The following POLQ variants were observed in gnomAD, a reference collection of about 807,000 sequenced individuals.
POLQ encodes the protein DNA polymerase theta.
In POLQ, 233 loss-of-function variants were observed where a neutral mutation model predicts 259.2. The observed-to-expected ratio is 0.90, with a 90% CI of 0.81 to 1.00. The LOEUF (loss-of-function observed/expected upper bound fraction) is 1.00, where lower values mean the gene tolerates loss of function less well. POLQ is among the 50% of genes least tolerant of loss of function. POLQ has a pLI of 0.00. For synonymous variants in POLQ, 1,025 were observed against 1,048.8 expected (o/e 0.98, Z 0.44); for missense variants, 2,871 against 3,051.6 (o/e 0.94, Z 1.39).
chr3:121,435,868 G>A (rs1031177073), intron 28 of POLQ, among the ~76,000 whole-genome samples: 4 of 152,174 alleles, frequency 2.6e-5, no homozygotes, highest in African/African-American at 7.2e-5. Flanking sequence ...TCAAAATATG[G>A]TGAGTTTGTA....
At chr3:121,440,302 G>T (rs569651549) in intron 26 of POLQ, among the ~76,000 whole-genome samples, 186 bp from the exon 27 acceptor site, 9 of 152,210 alleles carry the variant, frequency 5.9e-5, no homozygotes, top group Admixed American at 2.0e-4. Flanking sequence ...AAATAAAAGA[G>T]ACTTTAGAAA....
intron 15 of POLQ, among the ~76,000 whole-genome samples, chr3:121,491,515 G>A (rs1454820858): frequency 6.6e-6 from 1 of 152,084 alleles, no homozygotes; most frequent in Non-Finnish European, 1.5e-5. Context: ...ATGGCAGTGG[G>A]TTAATTTTCA....
chr3:121,532,494 A>T (rs917031498), intron 6 of POLQ, among the ~76,000 whole-genome samples: 1 of 152,080 alleles, frequency 6.6e-6, no homozygotes, highest in African/African-American at 2.4e-5. Flanking sequence ...CTCTCTCACC[A>T]TCACCGCTAA....
At chr3:121,527,782 G>C (rs1004951430) in intron 7 of POLQ, among the ~76,000 whole-genome samples, 3 of 152,066 alleles carry the variant, frequency 2.0e-5, no homozygotes, top group Admixed American at 6.5e-5. Flanking sequence ...CCTCAAATTG[G>C]TCCCATGGTA....
chr3:121,474,763 T>C (rs1213948917), intron 20 of POLQ, among the ~76,000 whole-genome samples: 2 of 152,198 alleles, frequency 1.3e-5, no homozygotes. Flanking sequence ...GATATGAACA[T>C]ATGCATGTAT....
intron 12 of POLQ, 115 bp downstream of exon 12, chr3:121,509,444 TAA>T (rs1417092161): frequency 6.3e-6 from 5 of 791,094 alleles, no homozygotes; most frequent in African/African-American, 1.7e-5. Flanking sequence ...CCACCAGTAC[TAA>T]CCTAGGCATG....
intron 12 of POLQ, among the ~76,000 whole-genome samples, chr3:121,500,313 A>T (rs923577147): frequency 2.6e-5 from 4 of 152,010 alleles, no homozygotes; most frequent in African/African-American, 9.6e-5. Context: ...CAGTAACTAA[A>T]ATGGGGTTTA....
intron 25 of POLQ, among the ~76,000 whole-genome samples, chr3:121,453,215 A>G (rs933484483): frequency 1.3e-5 from 2 of 152,220 alleles, no homozygotes; most frequent in Non-Finnish European, 2.9e-5. Flanking sequence ...AACAGAAAGG[A>G]CATCCACACC....
chr3:121,458,648 A>G (rs76472521), intron 25 of POLQ, among the ~76,000 whole-genome samples: 2,213 of 152,334 alleles, frequency 0.015, 57 homozygotes, highest in African/African-American at 0.05. Flanking sequence ...TCCAGGGATT[A>G]AACAGACAGA....
intron 25 of POLQ, among the ~76,000 whole-genome samples, chr3:121,453,163 A>T (rs2047695280): frequency 6.6e-6 from 1 of 152,212 alleles, no homozygotes; most frequent in South Asian, 2.1e-4. Context: ...ACTCCAACAG[A>T]CCTGCAGCTG....
chr3:121,455,807 A>G (rs1382491049), intron 25 of POLQ, among the ~76,000 whole-genome samples: 1 of 152,234 alleles, frequency 6.6e-6, no homozygotes. Context: ...CCAGAGTTAC[A>G]AGGAGGAACT....
chr3:121,466,994 C>T (rs937241524), intron 24 of POLQ, among the ~76,000 whole-genome samples: 4 of 152,098 alleles, frequency 2.6e-5, no homozygotes, highest in African/African-American at 4.8e-5. Context: ...AATGTCTTGA[C>T]AACAAAAGGT....
chr3:121,468,412 T>C lies in POLQ; in HGVS notation c.6738A>G (p.Glu2246=). 6.2e-7 allele frequency: 1 copy of C among 1,610,772 alleles called. No homozygotes were observed. The highest frequency in any genetic ancestry group is 8.5e-7 in the Non-Finnish European group (1 of 1,177,272). ...CTCTTGGCACATTCTGAATATTTGG[T>C]TCTGTAAAGGTTATTCGTCCTAAAA... is the stretch of plus-strand genomic sequence containing the variant. ...HTATGRITFT[E]PNIQNVPRDF... The change falls in exon 23 of 30, where the codon GAA becomes GAG. Residue 2246 remains glutamate (E), a synonymous_variant. Coordinates refer to ENST00000264233, the MANE Select transcript of POLQ (RefSeq NM_199420.4).
intron 9 of POLQ, among the ~76,000 whole-genome samples, chr3:121,513,973 G>A: frequency 7.5e-6 from 1 of 132,806 alleles, no homozygotes; most frequent in Non-Finnish European, 1.6e-5. Context: ...AGTGAGCCGA[G>A]ATTGTGCCAC....
intron 26 of POLQ, among the ~76,000 whole-genome samples, chr3:121,441,439 T>A (rs1354544100): frequency 6.6e-5 from 10 of 152,214 alleles, no homozygotes. Context: ...TTTATGATAC[T>A]CTTAAGTTTT....
At chr3:121,484,337 T>C (rs1039288143) in intron 17 of POLQ, among the ~76,000 whole-genome samples, 2 of 152,208 alleles carry the variant, frequency 1.3e-5, no homozygotes, top group East Asian at 1.9e-4. Context: ...TCGACTACTA[T>C]AGATCTCTAG....
chr3:121,541,421 CA>C lies in POLQ; in HGVS notation c.401del (p.Leu134TrpfsTer31). The C allele has an allele frequency of 2.5e-6, 4 of 1,611,974 alleles. No homozygotes were observed. The highest frequency in any genetic ancestry group is 3.4e-6 in the Non-Finnish European group (4 of 1,178,702). On this transcript the variant is annotated frameshift_variant, in exon 3 of 30. Coordinates refer to ENST00000264233, the MANE Select transcript of POLQ (RefSeq NM_199420.4). LOFTEE classifies it high-confidence loss of function. ...VAELLILKRVLEMRKKALFIL... is the reference protein window; with the variant it reads ...VAELLILKRVXEMRKKALFIL... ...TAAACAAAGCTTTCTTCCGCATTTC[CA>C]AAACCCGCTTCAAAATAAGTAATTC...
chr3:121,459,677 G>A (rs745689227), intron 25 of POLQ, among the ~76,000 whole-genome samples: 10 of 152,116 alleles, frequency 6.6e-5, no homozygotes, highest in South Asian at 2.1e-4. Context: ...CACCGCGCCC[G>A]GCCTGGAAAG....
At chr3:121,515,058 T>G (rs1413022248) in intron 9 of POLQ, among the ~76,000 whole-genome samples, 1 of 152,154 alleles carries the variant, frequency 6.6e-6, no homozygotes, top group African/African-American at 2.4e-5. Context: ...TTTTGCAAAG[T>G]GCAGGGACTA....
Sources: allele counts gnomAD v4.1 joint callset (sites outside exome capture counted in the v4.1 genomes callset), GRCh38; gene constraint gnomAD v4.1.1; transcripts MANE v1.5; gene names NCBI Gene and HGNC (gene_info 2026-07-23, HGNC 2026-07-21).